The following FARS2 variants were observed in gnomAD, a reference collection of about 807,000 sequenced individuals.
FARS2 encodes the protein phenylalanyl-tRNA synthetase 2, mitochondrial, also known as phenylalanine--tRNA ligase, mitochondrial.
In FARS2, 40 loss-of-function variants were observed where a neutral mutation model predicts 46.4. That is an observed-to-expected ratio of 0.86 (90% CI 0.67 to 1.12). FARS2 has a LOEUF of 1.12. Among genes scored for constraint, FARS2 ranks in the 50% most tolerant of loss-of-function variants. The probability of loss-of-function intolerance (pLI) is 0.00; values close to 1 mark genes in which losing one functional copy is unlikely to be tolerated. For synonymous variants in FARS2, 234 were observed against 214.9 expected (o/e 1.09, Z -0.78); for missense variants, 513 against 567.9 (o/e 0.90, Z 0.98).
Position 5,696,575 on chromosome 6 carries a change from A to G in FARS2, c.1218-74716A>G, listed in dbSNP as rs570791100. On this transcript the variant is annotated intron_variant, in intron 6 of 6. Transcript: ENST00000274680. Reference sequence around the variant, plus strand: ...AGTAAAGAAAACAAAGATGTATTGAAAGAACTAAGGTATAAAATATTCTAT... The same window carrying G: ...AGTAAAGAAAACAAAGATGTATTGAGAGAACTAAGGTATAAAATATTCTAT... Among the ~76,000 whole-genome samples, 7 of 152,322 alleles carry G rather than the reference A, an allele frequency of 4.6e-5. No individual in the cohort carries two copies. In the East Asian group the frequency reaches 1.3e-3, roughly 29 times the overall value.
intron 4 of FARS2, among the ~76,000 whole-genome samples, chr6:5,520,054 G>T (rs1402224045): frequency 6.6e-6 from 1 of 152,128 alleles, no homozygotes; most frequent in Non-Finnish European, 1.5e-5. Context: ...TGTGCTCTTA[G>T]CACTTTTTCA....
intron 5 of FARS2, among the ~76,000 whole-genome samples, chr6:5,563,680 T>C (rs1425658938): frequency 6.6e-6 from 1 of 152,152 alleles, no homozygotes; most frequent in Non-Finnish European, 1.5e-5. Context: ...TGTCCATGTG[T>C]GTGTGGTTCA....
At chr6:5,441,766 A>G (rs1763855444) in intron 4 of FARS2, among the ~76,000 whole-genome samples, 1 of 152,204 alleles carries the variant, frequency 6.6e-6, no homozygotes, top group Admixed American at 6.5e-5. Flanking sequence ...TGTTTTACCT[A>G]GCGGTAGAAT....
At chr6:5,654,202 G>A (rs543940675) in intron 6 of FARS2, among the ~76,000 whole-genome samples, 11 of 152,234 alleles carry the variant, frequency 7.2e-5, no homozygotes, top group South Asian at 2.1e-4. Flanking sequence ...CATCCCAGCC[G>A]GGTCATAGGT....
rs779793214 is a variant in FARS2 at position 5,545,284 on chromosome 6, G to A, written c.1009G>A (p.Glu337Lys). The A allele has an allele frequency of 1.5e-5, 24 of 1,613,900 alleles. No homozygotes were observed. The African/African-American group carries it at 1.9e-4, about 13-fold the overall frequency. Residue 337 changes from glutamate (E) to lysine (K), a missense_variant, in exon 5 of 7, where the codon GAG becomes AAG. Transcript: ENST00000274680. ...TATCCGTCTCTTCTGGTGTGAGGAC[G>A]AGCGCTTCCTGAAGCAGTTCTGTGT... ...PDIRLFWCED[E>K]RFLKQFCVSN...
intron 4 of FARS2, among the ~76,000 whole-genome samples, chr6:5,443,822 G>T (rs1283839896): frequency 2.0e-5 from 3 of 152,210 alleles, no homozygotes; most frequent in Non-Finnish European, 4.4e-5. Context: ...ATGCTTAAGA[G>T]TCTCTCTTCC....
chr6:5,370,466 A>G (rs2127647664), intron 2 of FARS2, among the ~76,000 whole-genome samples: 1 of 152,320 alleles, frequency 6.6e-6, no homozygotes, highest in Non-Finnish European at 1.5e-5. Context: ...TATGAGATGA[A>G]TAAAGACAGG....
intron 6 of FARS2, among the ~76,000 whole-genome samples, chr6:5,637,375 G>A (rs1486907180): frequency 6.6e-6 from 1 of 152,202 alleles, no homozygotes; most frequent in Non-Finnish European, 1.5e-5. Context: ...GCTTTTGCAC[G>A]CCTGGGCATC....
intron 6 of FARS2, among the ~76,000 whole-genome samples, chr6:5,635,615 G>T (rs1475268518): frequency 1.3e-5 from 2 of 152,144 alleles, no homozygotes; most frequent in Non-Finnish European, 2.9e-5. Context: ...TGAGGTAGAG[G>T]AAATGAGAAG....
intron 6 of FARS2, among the ~76,000 whole-genome samples, chr6:5,647,518 G>T (rs1200655664): frequency 1.3e-5 from 2 of 152,192 alleles, no homozygotes; most frequent in Admixed American, 1.3e-4. Flanking sequence ...ATATTGATTA[G>T]AGTTATCTAA....
chr6:5,694,541 A>G (rs1375217299), intron 6 of FARS2, among the ~76,000 whole-genome samples: 2 of 152,136 alleles, frequency 1.3e-5, no homozygotes, highest in African/African-American at 2.4e-5. Flanking sequence ...TATATTTTAT[A>G]TATTTTTTAC....
intron 5 of FARS2, among the ~76,000 whole-genome samples, chr6:5,599,688 C>A (rs1774399994): frequency 6.6e-6 from 1 of 152,194 alleles, no homozygotes; most frequent in Non-Finnish European, 1.5e-5. Context: ...TCTCCACAGT[C>A]AATTTTAGAA....
At chr6:5,260,889 T>C (rs1031817287), upstream of FARS2, 5 of 1,402,788 alleles carry the variant, frequency 3.6e-6, no homozygotes, top group Admixed American at 9.2e-5. Flanking sequence ...CGGGCAGCCC[T>C]GCGGATCGCG....
chr6:5,427,376 G>A (rs1762911321), intron 3 of FARS2, among the ~76,000 whole-genome samples: 1 of 152,198 alleles, frequency 6.6e-6, no homozygotes, highest in East Asian at 1.9e-4. Context: ...GACTTCAAAA[G>A]CACAGATTTT....
chr6:5,578,396 C>T (rs545333974), intron 5 of FARS2, among the ~76,000 whole-genome samples: 2 of 152,172 alleles, frequency 1.3e-5, no homozygotes, highest in East Asian at 1.9e-4. Flanking sequence ...GCTTGTGTCT[C>T]GTTCCATGTG....
intron 4 of FARS2, 139 bp downstream of exon 4, chr6:5,431,311 C>T: frequency 1.2e-6 from 1 of 848,402 alleles, no homozygotes; most frequent in South Asian, 1.7e-5. Flanking sequence ...AGATTCCCCT[C>T]TAGATTTGTC....
At chr6:5,390,524 C>T (rs776870009) in intron 2 of FARS2, among the ~76,000 whole-genome samples, 17 of 152,156 alleles carry the variant, frequency 1.1e-4, no homozygotes, top group Non-Finnish European at 2.4e-4. Context: ...ATTTTATAAA[C>T]CGAACAACAG....
At chr6:5,399,319 C>T (rs781507048) in intron 2 of FARS2, among the ~76,000 whole-genome samples, 9 of 151,968 alleles carry the variant, frequency 5.9e-5, no homozygotes, top group Admixed American at 4.6e-4. Context: ...GGATCACAGA[C>T]GTGTGCCACC....
At chr6:5,558,153 T>G (rs977738618) in intron 5 of FARS2, among the ~76,000 whole-genome samples, 2 of 152,196 alleles carry the variant, frequency 1.3e-5, no homozygotes, top group African/African-American at 4.8e-5. Context: ...ATGTAGTTTT[T>G]CTGTGTCGTT....
Sources: gnomAD v4.1 joint callset for allele counts (sites outside exome capture counted in the v4.1 genomes callset) on GRCh38, gnomAD v4.1.1 for gene constraint, MANE v1.5 for transcripts, NCBI Gene and HGNC (gene_info 2026-07-23, HGNC 2026-07-21) for gene names.